Variants in GIT2 observed in about 807,000 individuals in gnomAD.
GIT2 encodes the protein ARF GTPase-activating protein GIT2.
Under a neutral mutation model 100.3 loss-of-function variants are expected in GIT2, and 32 were observed. That is an observed-to-expected ratio of 0.32 (90% CI 0.24 to 0.43). GIT2 has a LOEUF of 0.43. GIT2 is among the 20% of genes least tolerant of loss of function. The pLI is 1.00. For synonymous variants in GIT2, 353 were observed against 364.1 expected, an observed-to-expected ratio of 0.97 and a Z score of 0.35; for missense variants, 737 against 975.1, an observed-to-expected ratio of 0.76 and a Z score of 3.25.
At chr12:109,979,246 T>G (rs1885780962) in intron 7 of GIT2, among the ~76,000 whole-genome samples, 1 of 150,980 alleles carries the variant, frequency 6.6e-6, no homozygotes. Context: ...AGAAGTCCCA[T>G]TTCCTGCTCT....
intron 7 of GIT2, among the ~76,000 whole-genome samples, chr12:109,976,583 GTTTTC>G (rs1259930016): frequency 7.6e-5 from 11 of 145,312 alleles, no homozygotes; most frequent in Non-Finnish European, 1.5e-4. Context: ...CGCGCCTGGC[GTTTTC>G]TTTTCTTTTT....
Position 109,933,385 on chromosome 12 carries a change from T to C in GIT2, c.2068-195A>G, listed in dbSNP as rs1352856847. 1.9e-5 allele frequency: 10 copies of C among 527,744 alleles called. No homozygotes were observed. Among genetic ancestry groups the C allele is most frequent in the Non-Finnish European group, 3.4e-5 (10 of 297,388 alleles). 32.7% of individuals were successfully genotyped at this position (527,744 alleles called of 1,614,324 possible). ...CGTAAGAGATGCTGAAATATTCTGA[T>C]TCAAAGGTCAAAGTGCATGCAGGGT... is the stretch of plus-strand genomic sequence containing the variant. On this transcript the variant is annotated intron_variant, in intron 19 of 19. Coordinates refer to ENST00000355312, the MANE Select transcript of GIT2 (RefSeq NM_057169.5). The surrounding 1 kb of genome is among the most constrained non-coding windows in gnomAD (Gnocchi z 4.5).
chr12:109,979,026 C>G (rs1002809360), intron 7 of GIT2, among the ~76,000 whole-genome samples: 1 of 152,184 alleles, frequency 6.6e-6, no homozygotes, highest in African/African-American at 2.4e-5. Context: ...GGTTCTGCCT[C>G]CTGGGCAGAT....
intron 9 of GIT2, among the ~76,000 whole-genome samples, chr12:109,964,545 C>T (rs574661491): frequency 4.6e-5 from 7 of 151,284 alleles, no homozygotes; most frequent in African/African-American, 1.5e-4. Flanking sequence ...GAAAGGCAAA[C>T]GCTGTAGGCA....
At chr12:109,975,638 T>G (rs925235043) in intron 7 of GIT2, among the ~76,000 whole-genome samples, 5 of 152,142 alleles carry the variant, frequency 3.3e-5, no homozygotes, top group Non-Finnish European at 7.3e-5. Context: ...TATTTTCTAT[T>G]TGGTCCTTAG....
chr12:109,967,602 G>C, intron 7 of GIT2, 99 bp from the exon 8 acceptor site: 1 of 848,194 alleles, frequency 1.2e-6, no homozygotes, highest in Non-Finnish European at 2.0e-6. Context: ...TTTGCGATTA[G>C]TATTTGTGCA....
chr12:109,948,564 T>G lies in GIT2; in HGVS notation c.1393-1060A>C. 7.3e-7 allele frequency: 1 copy of G among 1,377,098 alleles called. No individual in the cohort carries two copies. Among genetic ancestry groups the G allele is most frequent in the Non-Finnish European group, 9.3e-7 (1 of 1,071,476 alleles). 85.3% of individuals were successfully genotyped at this position (1,377,098 alleles called of 1,614,324 possible). ...TCCATTCTGCGCAGGGTCCTTCCCT[T>G]CTGGTGCGCCTTCATCTTCCATGGA... On this transcript the variant is annotated intron_variant, in intron 14 of 19. Coordinates refer to ENST00000355312, the MANE Select transcript of GIT2 (RefSeq NM_057169.5). The surrounding 1 kb of genome is among the most constrained non-coding windows in gnomAD (Gnocchi z 4.3).
chr12:109,960,421 T>G (rs889162714), intron 11 of GIT2, among the ~76,000 whole-genome samples: 1 of 151,810 alleles, frequency 6.6e-6, no homozygotes, highest in Non-Finnish European at 1.5e-5. Context: ...GTCAGGACTT[T>G]GTACAAAAAT....
Position 109,933,275 on chromosome 12 carries a change from A to G in GIT2, c.2068-85T>C. On this transcript the variant is annotated intron_variant, in intron 19 of 19. Coordinates refer to ENST00000355312, the MANE Select transcript of GIT2 (RefSeq NM_057169.5). The surrounding 1 kb of genome is among the most constrained non-coding windows in gnomAD (Gnocchi z 4.5). Reference sequence around the variant, plus strand: ...GACAAACATTCTTCTAAAGCAAACCAAGCTGCTCCCCAGAGTGAAAGGCGG... The same window carrying G: ...GACAAACATTCTTCTAAAGCAAACCGAGCTGCTCCCCAGAGTGAAAGGCGG... 2.5e-6 allele frequency: 2 copies of G among 801,394 alleles called. No homozygotes were observed. The highest frequency in any genetic ancestry group is 4.2e-5 in the Admixed American group (2 of 47,180). The allele number at this position is 801,394 out of a possible 1,614,324, so 49.6% of individuals were successfully genotyped here.
At chr12:109,943,890 G>A (rs964629147) in intron 16 of GIT2, among the ~76,000 whole-genome samples, 7 of 151,852 alleles carry the variant, frequency 4.6e-5, no homozygotes, top group African/African-American at 1.5e-4. Context: ...ATGGGATTTC[G>A]CCATGTTGCT....
At chr12:109,963,047 T>C (rs908133551) in intron 9 of GIT2, among the ~76,000 whole-genome samples, 1 of 152,054 alleles carries the variant, frequency 6.6e-6, no homozygotes, top group South Asian at 2.1e-4. Context: ...AGAGACCTCA[T>C]AGGAACATGT....
chr12:109,991,856 G>T, intron 1 of GIT2, 96 bp from the exon 2 acceptor site: 1 of 1,151,484 alleles, frequency 8.7e-7, no homozygotes, highest in Non-Finnish European at 1.3e-6. Context: ...GTCAGAAAAA[G>T]GAGACATTTT....
chr12:109,979,064 G>A (rs1482303895), intron 7 of GIT2, among the ~76,000 whole-genome samples: 1 of 152,064 alleles, frequency 6.6e-6, no homozygotes, highest in Non-Finnish European at 1.5e-5. Context: ...AAAAAGACAA[G>A]CAATCAGGAT....
upstream of GIT2, chr12:109,999,239 C>G (rs187299153): frequency 1.3e-5 from 2 of 153,088 alleles, no homozygotes; most frequent in African/African-American, 4.8e-5. This position sits in a 1 kb window ranked among gnomAD's most constrained non-coding sequence, Gnocchi z 4.3. Context: ...ACGGAACTTT[C>G]CGCGTGGAGA....
Position 109,944,156 on chromosome 12 carries a change from C to A in GIT2, c.1731+1104G>T, listed in dbSNP as rs554526560. 2.0e-5 allele frequency among the ~76,000 whole-genome samples: 3 copies of A among 152,172 alleles called. No homozygotes were observed. In the South Asian group the frequency reaches 6.2e-4, roughly 32 times the overall value. Reference sequence around the variant, plus strand: ...CTGTAAATAGCTATTGTACTACAGACTGGGCAACATGAGACTCTGTCTCTA... The same window carrying A: ...CTGTAAATAGCTATTGTACTACAGAATGGGCAACATGAGACTCTGTCTCTA... On this transcript the variant is annotated intron_variant, in intron 16 of 19. Transcript: ENST00000355312.
At chr12:109,969,162 C>CT (rs71079595) in intron 7 of GIT2, among the ~76,000 whole-genome samples, 1,981 of 89,094 alleles carry the variant, frequency 0.022, 94 homozygotes, top group African/African-American at 0.075. Context: ...AAAACTTTTC[C>CT]TTTTTTTTTT....
At chr12:109,969,103 C>T (rs1274294776) in intron 7 of GIT2, among the ~76,000 whole-genome samples, 1 of 151,580 alleles carries the variant, frequency 6.6e-6, no homozygotes, top group Non-Finnish European at 1.5e-5. Flanking sequence ...GTATTTTTCT[C>T]CCAGTCTGTT....
Position 109,996,226 on chromosome 12 carries a change from GCTCCCAC to G in GIT2, c.-9_-3del. On this transcript the variant is annotated 5_prime_UTR_variant, in exon 1 of 20. Coordinates refer to ENST00000355312, the MANE Select transcript of GIT2 (RefSeq NM_057169.5). ...GCTGCTCCGGAGCCGTTTCGACATG[GCTCCCAC>G]CTCCCACCTGCGGGGAACTAGAGGC... 1 of 1,531,796 alleles carries G rather than the reference GCTCCCAC, an allele frequency of 6.5e-7. No homozygotes were observed. The highest frequency in any genetic ancestry group is 1.4e-5 in the African/African-American group (1 of 70,834). 94.9% of individuals were successfully genotyped at this position (1,531,796 alleles called of 1,614,324 possible). A position where few individuals can be genotyped will look rare whatever the true frequency, so the allele number is the denominator to read the frequency against.
At chr12:109,957,434 T>C (rs1253913662) in intron 12 of GIT2, among the ~76,000 whole-genome samples, 1 of 152,058 alleles carries the variant, frequency 6.6e-6, no homozygotes, top group African/African-American at 2.4e-5. Context: ...AACTACCCAG[T>C]CTCAGGTATT....
Sources: gnomAD v4.1 joint callset for allele counts (sites outside exome capture counted in the v4.1 genomes callset) on GRCh38, gnomAD v4.1.1 for gene constraint, Gnocchi (gnomAD v3.1) non-coding constraint, MANE v1.5 for transcripts, NCBI Gene and HGNC (gene_info 2026-07-23, HGNC 2026-07-21) for gene names.